CAMK2D: variants seen among roughly 807,000 people sequenced by gnomAD.
CAMK2D encodes the protein calcium/calmodulin-dependent protein kinase type II subunit delta.
CAMK2D carries 37 observed loss-of-function variants against 84.0 expected under a neutral mutation model. The observed-to-expected ratio is 0.44, with a 90% confidence interval of 0.34 to 0.58. The LOEUF (loss-of-function observed/expected upper bound fraction) is 0.58. CAMK2D is among the 20% of genes least tolerant of loss of function. CAMK2D has a pLI of 0.02. For missense variants in CAMK2D, 448 were observed against 652.5 expected, an observed-to-expected ratio of 0.69 and a Z score of 3.41; for synonymous variants, 202 against 212.5, an observed-to-expected ratio of 0.95 and a Z score of 0.43.
chr4:113,692,104 A>G (rs2154341715), intron 2 of CAMK2D, among the ~76,000 whole-genome samples: 1 of 152,300 alleles, frequency 6.6e-6, no homozygotes, highest in South Asian at 2.1e-4. Flanking sequence ...CTCTAAGAGA[A>G]GATTATCTCT....
chr4:113,584,889 T>C (rs548350631), intron 4 of CAMK2D, among the ~76,000 whole-genome samples: 1 of 152,288 alleles, frequency 6.6e-6, no homozygotes, highest in South Asian at 2.1e-4. Flanking sequence ...GTTCTTTACG[T>C]ATTTCTGCCT....
intron 6 of CAMK2D, among the ~76,000 whole-genome samples, chr4:113,542,728 A>G (rs2098539156): frequency 5.3e-5 from 8 of 151,924 alleles, no homozygotes; most frequent in Admixed American, 5.2e-4. Context: ...AAAAAAAAAA[A>G]AATTTACTAA....
intron 3 of CAMK2D, among the ~76,000 whole-genome samples, chr4:113,657,270 T>G (rs1386704643): frequency 1.3e-5 from 2 of 152,142 alleles, no homozygotes; most frequent in South Asian, 2.1e-4. Context: ...ATTACCCTAT[T>G]TTAATTCTCT....
At chr4:113,553,408 G>A (rs998298365) in intron 4 of CAMK2D, among the ~76,000 whole-genome samples, 21 of 152,178 alleles carry the variant, frequency 1.4e-4, no homozygotes, top group African/African-American at 5.1e-4. Flanking sequence ...ATACTATAGA[G>A]TGAGATAAAA....
chr4:113,615,386 T>C (rs1354100761), intron 3 of CAMK2D, among the ~76,000 whole-genome samples: 1 of 152,150 alleles, frequency 6.6e-6, no homozygotes. Flanking sequence ...CAAATTACAC[T>C]CTCTGGAGAG....
rs1323526329 is a variant in CAMK2D, at chr4:113,452,065, A to C, written c.*2480T>G. 1 of 151,316 alleles carries C rather than the reference A, an allele frequency of 6.6e-6. No individual in the cohort carries two copies. Among genetic ancestry groups the C allele is most frequent in the Non-Finnish European group, 1.5e-5 (1 of 67,882 alleles). The allele number at this position is 151,316 out of a possible 1,614,324, so 9.4% of individuals were successfully genotyped here. ...GCTCAAGTTCAAGCTGGGGAGTAGC[A>C]GGAGCTGGGGTGCTTGCCTGTATCC... is the stretch of plus-strand genomic sequence containing the variant. On this transcript the variant is annotated 3_prime_UTR_variant, in exon 21 of 21. Coordinates refer to ENST00000511664, the MANE Select transcript of CAMK2D (RefSeq NM_001321571.2).
intron 2 of CAMK2D, among the ~76,000 whole-genome samples, chr4:113,711,945 CTCT>C (rs1379987790): frequency 6.6e-6 from 1 of 152,124 alleles, no homozygotes; most frequent in African/African-American, 2.4e-5. Flanking sequence ...AAACACTGAT[CTCT>C]TAAGTAGAGC....
chr4:113,555,990 A>C (rs895203258), intron 4 of CAMK2D, among the ~76,000 whole-genome samples: 6 of 152,116 alleles, frequency 3.9e-5, no homozygotes, highest in African/African-American at 1.2e-4. Flanking sequence ...CCCTTGCCAG[A>C]ACCAGACCAC....
Position 113,624,167 on chromosome 4 carries a change from C to T in CAMK2D, c.221-14961G>A, listed in dbSNP as rs1427547317. 6.6e-5 allele frequency among the ~76,000 whole-genome samples: 10 copies of T among 152,276 alleles called. No individual in the cohort carries two copies. The East Asian group carries it at 1.7e-3, about 26-fold the overall frequency. ...TAGTAAATTTAAGGAAAATAGGAGACTCAGTCAATCTTGAATAAGTTTAAC... is the reference window on the plus strand; with the variant it reads ...TAGTAAATTTAAGGAAAATAGGAGATTCAGTCAATCTTGAATAAGTTTAAC... On this transcript the variant is annotated intron_variant, in intron 3 of 20. Transcript: ENST00000511664.
At chr4:113,652,259 A>G (rs2099176471) in intron 3 of CAMK2D, among the ~76,000 whole-genome samples, 1 of 152,166 alleles carries the variant, frequency 6.6e-6, no homozygotes, top group Non-Finnish European at 1.5e-5. Context: ...CAAGAATGAT[A>G]TTTGTTTGTT....
At chr4:113,631,308 C>T (rs28658344) in intron 3 of CAMK2D, among the ~76,000 whole-genome samples, 13,927 of 152,110 alleles carry the variant, frequency 0.092, 1,916 homozygotes, top group African/African-American at 0.3. Flanking sequence ...AGCCCAGGAG[C>T]TTGAGACCAG....
intron 8 of CAMK2D, among the ~76,000 whole-genome samples, chr4:113,518,771 C>T (rs2098319688): frequency 6.6e-6 from 1 of 152,044 alleles, no homozygotes. Flanking sequence ...GAGATCTATC[C>T]CTGCTCCTGT....
chr4:113,688,634 T>C (rs1340989806), intron 2 of CAMK2D, among the ~76,000 whole-genome samples: 12 of 152,108 alleles, frequency 7.9e-5, no homozygotes, highest in Admixed American at 7.9e-4. Context: ...CTAGTTCCTA[T>C]TGCCCCAACT....
intron 3 of CAMK2D, among the ~76,000 whole-genome samples, chr4:113,641,167 T>C (rs2099130972): frequency 6.6e-6 from 1 of 152,196 alleles, no homozygotes; most frequent in African/African-American, 2.4e-5. Context: ...TAAAAAGTAA[T>C]ACAGCTGCAC....
intron 4 of CAMK2D, among the ~76,000 whole-genome samples, chr4:113,577,844 G>A (rs1451269333): frequency 1.3e-5 from 2 of 151,806 alleles, no homozygotes; most frequent in East Asian, 3.9e-4. Context: ...CCATGTGTTT[G>A]GACATTTCAG....
In CAMK2D at chr4:113,754,595, A is replaced by G. The variant is rs978532667; in HGVS notation, c.160+4725T>C. On this transcript the variant is annotated intron_variant, in intron 2 of 20. Coordinates refer to ENST00000511664, the MANE Select transcript of CAMK2D (RefSeq NM_001321571.2). ...TTACACTAGTTATTAATATCACAGT[A>G]TGGCACCTGACAACCACTTTCTTTA... 13 of 982,716 alleles carry G rather than the reference A, an allele frequency of 1.3e-5. No homozygotes were observed. The African/African-American group carries it at 2.3e-4, about 17-fold the overall frequency. The allele number at this position is 982,716 out of a possible 1,614,324, so 60.9% of individuals were successfully genotyped here.
At chr4:113,594,230 T>G (rs148271931) in intron 4 of CAMK2D, among the ~76,000 whole-genome samples, 7 of 152,264 alleles carry the variant, frequency 4.6e-5, no homozygotes, top group Non-Finnish European at 8.8e-5. Flanking sequence ...GCTAAACCAT[T>G]CGTGAGAAAT....
rs1210026332 is a variant in CAMK2D, at chr4:113,761,602, G to GGGGCTCCGACGAGCGTGCGCGCCC, written c.-558_-535dup. The GGGGCTCCGACGAGCGTGCGCGCCC allele has an allele frequency of 6.1e-6, 6 of 985,138 alleles. No individual in the cohort carries two copies. The highest frequency in any genetic ancestry group is 5.2e-4 in the Middle Eastern group (1 of 1,912). 61.0% of individuals were successfully genotyped at this position (985,138 alleles called of 1,614,324 possible). A position where few individuals can be genotyped will look rare whatever the true frequency, so the allele number is the denominator to read the frequency against. ...AGCAGGCTCAGGCGCGGGGCGCGCC[G>GGGGCTCCGACGAGCGTGCGCGCCC]GGGCTCCGACGAGCGTGCGCGCCCG... On this transcript the variant is annotated 5_prime_UTR_variant, in exon 1 of 21. Coordinates refer to ENST00000511664, the MANE Select transcript of CAMK2D (RefSeq NM_001321571.2).
At chr4:113,583,535 ACTC>A (rs1041041543) in intron 4 of CAMK2D, among the ~76,000 whole-genome samples, 3 of 152,124 alleles carry the variant, frequency 2.0e-5, no homozygotes, top group Non-Finnish European at 2.9e-5. Flanking sequence ...ATGAAACTCA[ACTC>A]CTCCAAAATA....
Sources: gnomAD v4.1 joint callset for allele counts (sites outside exome capture counted in the v4.1 genomes callset) on GRCh38, gnomAD v4.1.1 for gene constraint, MANE v1.5 for transcripts, NCBI Gene and HGNC (gene_info 2026-07-23, HGNC 2026-07-21) for gene names.